PAPPA2: variants seen among roughly 807,000 people sequenced by gnomAD.
The protein encoded by PAPPA2 is pappalysin-2.
PAPPA2 carries 86 observed loss-of-function variants against 176.4 expected under a neutral mutation model. The ratio of observed to expected loss-of-function variants is 0.49; its 90% CI spans 0.41 to 0.58. The LOEUF (loss-of-function observed/expected upper bound fraction) is 0.58, where lower values mean the gene tolerates loss of function less well. PAPPA2 is among the 20% of genes least tolerant of loss of function. The pLI is 0.00. For synonymous variants in PAPPA2, 809 were observed against 852.2 expected, an observed-to-expected ratio of 0.95 and a Z score of 0.88; for missense variants, 2,073 against 2,256.9, an observed-to-expected ratio of 0.92 and a Z score of 1.65.
At chr1:176,833,904 A>G (rs570725146) in intron 21 of PAPPA2, among the ~76,000 whole-genome samples, 1 of 152,214 alleles carries the variant, frequency 6.6e-6, no homozygotes, top group South Asian at 2.1e-4. Context: ...CAGTATATGC[A>G]TTTATAGTAA....
intron 2 of PAPPA2, among the ~76,000 whole-genome samples, chr1:176,564,074 C>T (rs997358831): frequency 5.3e-5 from 8 of 152,132 alleles, no homozygotes; most frequent in Non-Finnish European, 8.8e-5. Context: ...ATTGTCCCCC[C>T]CAGTAAAATC....
chr1:176,657,930 T>C (rs1658119893), intron 3 of PAPPA2, among the ~76,000 whole-genome samples: 1 of 152,026 alleles, frequency 6.6e-6, no homozygotes, highest in African/African-American at 2.4e-5. Context: ...AGGGATTATC[T>C]GCCTTGTTTT....
Position 176,734,393 on chromosome 1 carries a change from AACACACACACAC to A in PAPPA2, c.3799-5213_3799-5202del, listed in dbSNP as rs34765229. On this transcript the variant is annotated intron_variant, in intron 12 of 22. Transcript: ENST00000367662. The stretch of plus-strand genomic sequence containing the variant: ...TTATGAGTTGATCTCACCCTTCTGA[AACACACACACAC>A]ACACACACACACACACACAAACTCA... 6.1e-5 allele frequency among the ~76,000 whole-genome samples: 9 copies of A among 147,444 alleles called. No homozygotes were observed. In the East Asian group the frequency reaches 1.6e-3, roughly 27 times the overall value.
chr1:176,769,532 C>A (rs1664124312), intron 15 of PAPPA2, 75 bp from the exon 16 acceptor site: 8 of 1,457,666 alleles, frequency 5.5e-6, no homozygotes, highest in Non-Finnish European at 5.7e-6. Flanking sequence ...ATCACCAAGA[C>A]TCTTCTAAAG....
intron 2 of PAPPA2, among the ~76,000 whole-genome samples, chr1:176,578,663 T>G (rs1261983354): frequency 1.3e-5 from 2 of 152,184 alleles, no homozygotes; most frequent in African/African-American, 4.8e-5. Context: ...CAAGGAAGAC[T>G]TCATAGACAG....
chr1:176,836,394 G>A lies in PAPPA2; in HGVS notation c.5203-3779G>A, dbSNP rs530730676. 3.3e-5 allele frequency among the ~76,000 whole-genome samples: 5 copies of A among 152,252 alleles called. No individual in the cohort carries two copies. In the South Asian group the frequency reaches 1.0e-3, roughly 32 times the overall value. On this transcript the variant is annotated intron_variant, in intron 21 of 22. Transcript: ENST00000367662. ...ACCTTTAGAGATACAGTCCCTTTTG[G>A]CTAAGATTCCAACCTGTAGGTTAGT...
chr1:176,616,486 C>T (rs146411128), intron 3 of PAPPA2: 2 of 816,786 alleles, frequency 2.4e-6, no homozygotes, highest in Non-Finnish European at 4.0e-6. Context: ...ATGCAATTAA[C>T]AGCAATATAA....
chr1:176,487,202 G>A (rs991612655), intron 1 of PAPPA2, among the ~76,000 whole-genome samples: 17 of 152,196 alleles, frequency 1.1e-4, no homozygotes, highest in African/African-American at 4.1e-4. Flanking sequence ...GGCCCTCTGT[G>A]TCAATAGTGG....
intron 12 of PAPPA2, among the ~76,000 whole-genome samples, chr1:176,730,149 A>G (rs1161034631): frequency 2.6e-5 from 4 of 151,850 alleles, no homozygotes; most frequent in African/African-American, 4.8e-5. Flanking sequence ...AATTGCTTGT[A>G]CAATTTTCTT....
intron 21 of PAPPA2, among the ~76,000 whole-genome samples, chr1:176,802,086 A>C (rs912847896): frequency 6.6e-5 from 10 of 152,152 alleles, no homozygotes; most frequent in Non-Finnish European, 1.2e-4. Flanking sequence ...AGGCCCCCGA[A>C]TACCTACTCG....
chr1:176,588,224 G>A (rs1653442993), intron 2 of PAPPA2, among the ~76,000 whole-genome samples: 1 of 152,182 alleles, frequency 6.6e-6, no homozygotes, highest in African/African-American at 2.4e-5. Flanking sequence ...TCTGTTGTTG[G>A]TGTAAAGGAA....
chr1:176,544,692 A>C (rs1368913231), intron 1 of PAPPA2, among the ~76,000 whole-genome samples: 1 of 152,180 alleles, frequency 6.6e-6, no homozygotes, highest in Non-Finnish European at 1.5e-5. Context: ...TTAAGGGCTC[A>C]GTCCCACAAG....
intron 1 of PAPPA2, among the ~76,000 whole-genome samples, chr1:176,513,389 T>G (rs977843073): frequency 1.3e-5 from 2 of 152,166 alleles, no homozygotes; most frequent in African/African-American, 4.8e-5. Flanking sequence ...AGCACAAAGC[T>G]TTTTCCTATT....
At chr1:176,473,112 T>G (rs550620972) in intron 1 of PAPPA2, among the ~76,000 whole-genome samples, 1 of 152,316 alleles carries the variant, frequency 6.6e-6, no homozygotes, top group African/African-American at 2.4e-5. Context: ...CATAATGATA[T>G]GTATCCACAA....
rs1275666616 is a variant in PAPPA2, at chr1:176,702,481, C to T, written c.3237-126C>T. The T allele has an allele frequency of 9.7e-6, 13 of 1,341,040 alleles. No individual in the cohort carries two copies. In the African/African-American group the frequency reaches 1.6e-4, roughly 17 times the overall value. The allele number at this position is 1,341,040 out of a possible 1,614,324, so 83.1% of individuals were successfully genotyped here. On this transcript the variant is annotated intron_variant, in intron 8 of 22. Coordinates refer to ENST00000367662, the MANE Select transcript of PAPPA2 (RefSeq NM_020318.3). ...GCCCTGATCTTTGTTTTAGACAATG[C>T]AGCGTATGTTTAACCTTTATGTTTC...
chr1:176,824,111 C>A (rs1666768069), intron 21 of PAPPA2, among the ~76,000 whole-genome samples: 1 of 152,156 alleles, frequency 6.6e-6, no homozygotes, highest in Non-Finnish European at 1.5e-5. Context: ...GATGACAGTA[C>A]CGTGGGCTTG....
chr1:176,623,614 C>A (rs946346219), intron 3 of PAPPA2, among the ~76,000 whole-genome samples: 1,711 of 87,014 alleles, frequency 0.02, 28 homozygotes, highest in African/African-American at 0.036. Flanking sequence ...TTCCTTCCTT[C>A]CTTCCTTCCT....
In PAPPA2 at chr1:176,556,440, C is replaced by A. The variant is rs1651292195; in HGVS notation, c.118C>A (p.Leu40Met). 1 of 1,614,076 alleles carries A rather than the reference C, an allele frequency of 6.2e-7. No homozygotes were observed. The highest frequency in any genetic ancestry group is 2.2e-5 in the East Asian group (1 of 44,878). ...GAAATCCTTGGTTGAGAGGGAACAC[C>A]TGAATCAGGTGCTGTTGGAAGGAGA... The part of the protein sequence containing the change: ...RKKSLVEREH[L>M]NQVLLEGERC... The change falls in exon 2 of 23, where the codon CTG becomes ATG. Residue 40 changes from leucine to methionine, a missense_variant. Transcript: ENST00000367662.
At chr1:176,730,431 A>G (rs1461696887) in intron 12 of PAPPA2, among the ~76,000 whole-genome samples, 1 of 151,190 alleles carries the variant, frequency 6.6e-6, no homozygotes, top group East Asian at 1.9e-4. Flanking sequence ...TTATATTTCA[A>G]CTCTATTTTA....
Sources: gnomAD v4.1 joint callset for allele counts (sites outside exome capture counted in the v4.1 genomes callset) on GRCh38, gnomAD v4.1.1 for gene constraint, MANE v1.5 for transcripts, NCBI Gene and HGNC (gene_info 2026-07-23, HGNC 2026-07-21) for gene names.